The following B3GNT4 variants were observed in gnomAD, a reference collection of about 807,000 sequenced individuals.
B3GNT4 encodes the protein UDP-GlcNAc:betaGal beta-1,3-N-acetylglucosaminyltransferase 4, also known as N-acetyllactosaminide beta-1,3-N-acetylglucosaminyltransferase 4.
In B3GNT4, 2 loss-of-function variants were observed where a neutral mutation model predicts 2.7. That is an observed-to-expected ratio of 0.73 (90% CI 0.30 to 2.31). The LOEUF (loss-of-function observed/expected upper bound fraction) is 2.31, where lower values mean the gene tolerates loss of function less well. B3GNT4 is among the 30% of genes most tolerant of loss of function. B3GNT4 has a pLI of 0.12. For missense variants in B3GNT4, 708 were observed against 490.9 expected, an observed-to-expected ratio of 1.44 and a Z score of -4.18; for synonymous variants, 280 against 203.4, an observed-to-expected ratio of 1.38 and a Z score of -3.20.
chr12:122,204,951 A>G, intron 2 of B3GNT4: 1 of 474,580 alleles, frequency 2.1e-6, no homozygotes, highest in Non-Finnish European at 3.8e-6. Context: ...GATCGCTTGA[A>G]CCCAGGAGTT....
intron 1 of B3GNT4, 131 bp from the exon 2 acceptor site, chr12:122,204,391 C>G (rs546872615): frequency 2.3e-6 from 1 of 430,336 alleles, no homozygotes; most frequent in Non-Finnish European, 4.1e-6. Context: ...TGGGGACGCC[C>G]GCGGCGGGAC....
Position 122,207,506 on chromosome 12 carries a change from C to T in B3GNT4, c.*118C>T. On this transcript the variant is annotated 3_prime_UTR_variant, in exon 3 of 3. Transcript: ENST00000324189. ...ACTTGGTTTTTTAACTCCTCTCACC[C>T]TGTTAGCTCTGATTAAAAACACTGC... is the stretch of plus-strand genomic sequence containing the variant. 1 of 925,122 alleles carries T rather than the reference C, an allele frequency of 1.1e-6. No individual in the cohort carries two copies. The highest frequency in any genetic ancestry group is 1.6e-6 in the Non-Finnish European group (1 of 633,486). 57.3% of individuals were successfully genotyped at this position (925,122 alleles called of 1,614,324 possible).
rs1288459764 is a variant in B3GNT4 at position 122,207,015 on chromosome 12, A to G, written c.764A>G (p.Asn255Ser). The change falls in exon 3 of 3, where the codon AAC (asparagine) becomes AGC (serine). Residue 255 changes from asparagine to serine, a missense_variant. Physicochemically the swap from Asn to Ser is conservative, Grantham distance 46. Coordinates refer to ENST00000324189, the MANE Select transcript of B3GNT4 (RefSeq NM_030765.4). The stretch of plus-strand genomic sequence containing the variant: ...ATCCGCCAAGCCCTGCCCAACAGGA[A>G]CACTAAGGTCAAATACTTCATCCCA... ...DVIRQALPNR[N>S]TKVKYFIPPS... 1.1e-5 allele frequency: 17 copies of G among 1,613,884 alleles called. No individual in the cohort carries two copies. Among genetic ancestry groups the G allele is most frequent in the Non-Finnish European group, 1.4e-5 (17 of 1,179,976 alleles).
Position 122,207,574 on chromosome 12 carries a change from G to A in B3GNT4, c.*186G>A. 1.5e-6 allele frequency: 1 copy of A among 677,250 alleles called. No individual in the cohort carries two copies. The highest frequency in any genetic ancestry group is 1.9e-5 in the South Asian group (1 of 52,308). The allele number at this position is 677,250 out of a possible 1,614,324, so 42.0% of individuals were successfully genotyped here. On this transcript the variant is annotated 3_prime_UTR_variant, in exon 3 of 3. Transcript: ENST00000324189. ...CAGCATATGTTGAATGGGAGCCAAA[G>A]TGTAGCAAATGCTGCCAGGAACCTG...
rs200309542 is a variant in B3GNT4 at position 122,208,623 on chromosome 12, G to A, written c.*1235G>A. 28 of 1,591,608 alleles carry A rather than the reference G, an allele frequency of 1.8e-5. No individual in the cohort carries two copies. The highest frequency in any genetic ancestry group is 1.1e-4 in the African/African-American group (8 of 74,816). On this transcript the variant is annotated 3_prime_UTR_variant, in exon 3 of 3. Coordinates refer to ENST00000324189, the MANE Select transcript of B3GNT4 (RefSeq NM_030765.4). Reference sequence around the variant, plus strand: ...CGGGTTGAGCAGCCGTGCAGGGCGCGGAAGGCTCATGTGGACGTTGGCCTG... The same window carrying A: ...CGGGTTGAGCAGCCGTGCAGGGCGCAGAAGGCTCATGTGGACGTTGGCCTG...
Position 122,206,694 on chromosome 12 carries a change from C to T in B3GNT4, c.443C>T (p.Ala148Val). The change falls in exon 3 of 3, where the codon GCT (alanine) becomes GTT (valine). Residue 148 changes from alanine (A) to valine (V), a missense_variant. Ala to Val is a moderately conservative substitution (Grantham distance 64, BLOSUM62 0). Coordinates refer to ENST00000324189, the MANE Select transcript of B3GNT4 (RefSeq NM_030765.4). ...RSTWGRVGGWARGRQLKLVFL... is the reference protein window; with the variant it reads ...RSTWGRVGGWVRGRQLKLVFL... Reference sequence around the variant, plus strand: ...ACGTGGGGCAGGGTGGGGGGATGGGCTAGGGGCCGGCAGCTGAAGCTGGTG... The same window carrying T: ...ACGTGGGGCAGGGTGGGGGGATGGGTTAGGGGCCGGCAGCTGAAGCTGGTG... The T allele has an allele frequency of 6.2e-7, 1 of 1,611,332 alleles. No individual in the cohort carries two copies. The highest frequency in any genetic ancestry group is 8.5e-7 in the Non-Finnish European group (1 of 1,178,674).
At chr12:122,206,145 T>C (rs1953910857) in intron 2 of B3GNT4, 173 bp from the exon 3 acceptor site, 1 of 566,952 alleles carries the variant, frequency 1.8e-6, no homozygotes, top group Admixed American at 3.4e-5. Context: ...GCAGCTGTGC[T>C]TAGCCCATCC....
Position 122,207,920 on chromosome 12 carries a change from A to C in B3GNT4, c.*532A>C. 1 of 461,196 alleles carries C rather than the reference A, an allele frequency of 2.2e-6. No individual in the cohort carries two copies. 28.6% of individuals were successfully genotyped at this position (461,196 alleles called of 1,614,324 possible). ...AGATCAGAGAACACATCAGAAATAC[A>C]TACAAAGAAATCGTACAAACTGGAC... On this transcript the variant is annotated 3_prime_UTR_variant, in exon 3 of 3. Transcript: ENST00000324189.
Position 122,206,883 on chromosome 12 carries a change from C to T in B3GNT4, c.632C>T (p.Ala211Val), listed in dbSNP as rs1204704799. 6.2e-7 allele frequency: 1 copy of T among 1,613,958 alleles called. No homozygotes were observed. The highest frequency in any genetic ancestry group is 1.1e-5 in the South Asian group (1 of 91,078). ...QRWVVAACPQ[A>V]HFMLKGDDDV... ...TGGGTGGTGGCTGCCTGCCCCCAGG[C>T]CCATTTCATGCTAAAGGGAGATGAC... is the stretch of plus-strand genomic sequence containing the variant. The change falls in exon 3 of 3, where the codon GCC becomes GTC. Residue 211 changes from alanine (A) to valine (V), a missense_variant. Coordinates refer to ENST00000324189, the MANE Select transcript of B3GNT4 (RefSeq NM_030765.4).
Position 122,204,628 on chromosome 12 carries a change from C to T in B3GNT4, c.10C>T (p.Pro4Ser), listed in dbSNP as rs1178184083. The T allele has an allele frequency of 1.2e-6, 2 of 1,611,364 alleles. No homozygotes were observed. Among genetic ancestry groups the T allele is most frequent in the Non-Finnish European group, 8.5e-7 (1 of 1,177,718 alleles). The change falls in exon 2 of 3, where the codon CCC (proline) becomes TCC (serine). Residue 4 changes from proline to serine, a missense_variant. Coordinates refer to ENST00000324189, the MANE Select transcript of B3GNT4 (RefSeq NM_030765.4). MLP[P>S]QPSAAHQGRG... is the part of the protein sequence containing the mutation. ...TCTCCAGCTGCCGTTCATGCTTCCTCCCCAGCCTTCCGCAGCCCACCAGGG... is the reference window on the plus strand; with the variant it reads ...TCTCCAGCTGCCGTTCATGCTTCCTTCCCAGCCTTCCGCAGCCCACCAGGG...
rs909700188 is a variant in B3GNT4 at position 122,208,501 on chromosome 12, G to T, written c.*1113G>T. ...CCAGCTTGGTTTCTGCTTTCCGGGAGAGCTGGTGCACCTCTTCCACCTGCA... is the reference window on the plus strand; with the variant it reads ...CCAGCTTGGTTTCTGCTTTCCGGGATAGCTGGTGCACCTCTTCCACCTGCA... On this transcript the variant is annotated 3_prime_UTR_variant, in exon 3 of 3. Transcript: ENST00000324189. 1.9e-6 allele frequency: 3 copies of T among 1,614,020 alleles called. No individual in the cohort carries two copies. Among genetic ancestry groups the T allele is most frequent in the African/African-American group, 1.3e-5 (1 of 74,922 alleles).
In B3GNT4 at chr12:122,207,379, C is replaced by T. The variant is rs1953946620; in HGVS notation, c.1128C>T (p.Pro376=). The T allele has an allele frequency of 3.2e-6, 5 of 1,556,958 alleles. No homozygotes were observed. Among genetic ancestry groups the T allele is most frequent in the Non-Finnish European group, 4.3e-6 (5 of 1,151,810 alleles). ...TCAAGTGTGCAGCTGGCCCCATACC[C>T]CAGCGCTGAAGGGTGGGTTGGGCAA... ...EGLKCAAGPI[P]QR is the part of the protein sequence containing the mutation. Residue 376 remains proline (P), a synonymous_variant, in exon 3 of 3, where the codon CCC becomes CCT. Coordinates refer to ENST00000324189, the MANE Select transcript of B3GNT4 (RefSeq NM_030765.4).
rs377015837 is a variant in B3GNT4, at chr12:122,208,592, G to C, written c.*1204G>C. On this transcript the variant is annotated 3_prime_UTR_variant, in exon 3 of 3. Transcript: ENST00000324189. Reference sequence around the variant, plus strand: ...CTGATCTGCGCCTGCCAAAAGATGGGACAATCGGGTTGAGCAGCCGTGCAG... The same window carrying C: ...CTGATCTGCGCCTGCCAAAAGATGGCACAATCGGGTTGAGCAGCCGTGCAG... 2.4e-5 allele frequency: 39 copies of C among 1,610,344 alleles called. No homozygotes were observed. The highest frequency in any genetic ancestry group is 3.3e-5 in the Non-Finnish European group (39 of 1,179,872).
At position 122,207,430 on chromosome 12, in the gene B3GNT4, A is replaced by T; in HGVS notation, c.*42A>T. On this transcript the variant is annotated 3_prime_UTR_variant, in exon 3 of 3. Coordinates refer to ENST00000324189, the MANE Select transcript of B3GNT4 (RefSeq NM_030765.4). ...CAGCCTGAGAGTGGACTCAGTGTTG[A>T]TTCTCTATCGTGATGCGAAATTGAT... 3 of 1,488,172 alleles carry T rather than the reference A, an allele frequency of 2.0e-6. No homozygotes were observed. Among genetic ancestry groups the T allele is most frequent in the Non-Finnish European group, 2.7e-6 (3 of 1,120,148 alleles). The allele number at this position is 1,488,172 out of a possible 1,614,324, so 92.2% of individuals were successfully genotyped here.
At chr12:122,204,458 G>GC in intron 1 of B3GNT4, 64 bp from the exon 2 acceptor site, 1 of 692,714 alleles carries the variant, frequency 1.4e-6, no homozygotes, top group South Asian at 1.5e-5. Flanking sequence ...ACGGAACCAA[G>GC]CCACCTGCTG....
In B3GNT4 at chr12:122,208,874, GATTA is replaced by G. The variant is rs1382175608; in HGVS notation, c.*1490_*1493del. The G allele has an allele frequency of 1.7e-5, 8 of 458,570 alleles. No homozygotes were observed. Among genetic ancestry groups the G allele is most frequent in the African/African-American group, 4.0e-5 (2 of 49,774 alleles). 28.4% of individuals were successfully genotyped at this position (458,570 alleles called of 1,614,324 possible). ...TACAGAGCTTTTAGTACAGACCTTT[GATTA>G]ATTTTTTTAACTACACATCTTCCAT... On this transcript the variant is annotated 3_prime_UTR_variant, in exon 3 of 3. Transcript: ENST00000324189.
rs200385749 is a variant in B3GNT4, at chr12:122,204,675, T to C, written c.57T>C (p.Leu19=). 3.5e-5 allele frequency: 57 copies of C among 1,610,680 alleles called. No homozygotes were observed. The Admixed American group carries it at 6.2e-4, about 17-fold the overall frequency. Residue 19 remains leucine, a synonymous_variant, in exon 2 of 3, where the codon CTT becomes CTC. Transcript: ENST00000324189. The part of the protein sequence containing the change: ...AHQGRGGRSG[L]LPKGPAMLCR... ...AGGGAAGGGGCGGTAGGAGTGGCCT[T>C]TTACCAAAGGTCAGATTCTTTCACC...
chr12:122,204,527 G>T lies in B3GNT4; in HGVS notation c.-92G>T. 1.8e-6 allele frequency: 2 copies of T among 1,108,030 alleles called. No homozygotes were observed. The highest frequency in any genetic ancestry group is 2.7e-6 in the Non-Finnish European group (2 of 742,454). The allele number at this position is 1,108,030 out of a possible 1,614,324, so 68.6% of individuals were successfully genotyped here. The stretch of plus-strand genomic sequence containing the variant: ...CCCGGGCCTCTCGTCCACAGCCCGC[G>T]GTGCTCGCACACCTGAGACTCATCT... On this transcript the variant is annotated 5_prime_UTR_variant, in exon 2 of 3. Transcript: ENST00000324189.
In B3GNT4 at chr12:122,207,729, A is replaced by G; in HGVS notation, c.*341A>G. On this transcript the variant is annotated 3_prime_UTR_variant, in exon 3 of 3. Transcript: ENST00000324189. ...AAAATCTTACACTCTTCTCCTTTGG[A>G]TACAATAGAGAAACGGAAAGAAAGG... 1.9e-6 allele frequency: 1 copy of G among 514,548 alleles called. No homozygotes were observed. The highest frequency in any genetic ancestry group is 3.7e-6 in the Non-Finnish European group (1 of 267,058). The allele number at this position is 514,548 out of a possible 1,614,324, so 31.9% of individuals were successfully genotyped here.
Sources: gnomAD v4.1 joint callset for allele counts on GRCh38, gnomAD v4.1.1 for gene constraint, MANE v1.5 for transcripts, NCBI Gene and HGNC (gene_info 2026-07-23, HGNC 2026-07-21) for gene names.